Variants in PIGN observed in about 807,000 individuals in gnomAD.
The protein encoded by PIGN is phosphatidylinositol glycan anchor biosynthesis class N, also known as GPI ethanolamine phosphate transferase 1.
In PIGN, 117 loss-of-function variants were observed where a neutral mutation model predicts 125.4. That is an observed-to-expected ratio of 0.93 (90% CI 0.80 to 1.09). PIGN has a LOEUF of 1.09. PIGN is among the 50% of genes least tolerant of loss of function. The probability of loss-of-function intolerance (pLI) is 0.00; values close to 1 mark genes in which losing one functional copy is unlikely to be tolerated. For synonymous variants in PIGN, 392 were observed against 377.8 expected, an observed-to-expected ratio of 1.04 and a Z score of -0.44; for missense variants, 1,075 against 1,094.9, an observed-to-expected ratio of 0.98 and a Z score of 0.26.
At chr18:62,144,159 G>A (rs902411216) in intron 10 of PIGN, among the ~76,000 whole-genome samples, 2 of 152,094 alleles carry the variant, frequency 1.3e-5, no homozygotes, top group South Asian at 4.1e-4. Flanking sequence ...CATTTCTGAT[G>A]ATTCTTGAAA....
At chr18:62,147,542 A>G (rs149762099) in intron 8 of PIGN, among the ~76,000 whole-genome samples, 101 of 152,346 alleles carry the variant, frequency 6.6e-4, no homozygotes, top group African/African-American at 2.3e-3. Flanking sequence ...ACAACTGAAC[A>G]AGGTTCATTC....
intron 9 of PIGN, 82 bp downstream of exon 9, chr18:62,146,889 C>T: frequency 7.1e-7 from 1 of 1,410,624 alleles, no homozygotes; most frequent in South Asian, 1.3e-5. Flanking sequence ...ACATCTAATC[C>T]TCTCAACATC....
chr18:62,171,548 T>C (rs551654479), intron 1 of PIGN, among the ~76,000 whole-genome samples: 4 of 152,200 alleles, frequency 2.6e-5, no homozygotes, highest in Non-Finnish European at 4.4e-5. Flanking sequence ...GTTTCCAATA[T>C]TAGGATGAAT....
At chr18:62,154,421 C>A in intron 7 of PIGN, 124 bp downstream of exon 7, 1 of 595,298 alleles carries the variant, frequency 1.7e-6, no homozygotes, top group South Asian at 2.2e-5. Flanking sequence ...TCTTAGAATT[C>A]AGAACAGTGT....
chr18:62,128,838 A>G (rs947597482), intron 14 of PIGN, among the ~76,000 whole-genome samples: 1 of 152,176 alleles, frequency 6.6e-6, no homozygotes, highest in African/African-American at 2.4e-5. Flanking sequence ...TATATTTAAC[A>G]TGAAAAATGT....
At chr18:62,051,957 G>T (rs1403677850) in intron 30 of PIGN, 2 of 152,120 alleles carry the variant, frequency 1.3e-5, no homozygotes, top group African/African-American at 4.8e-5. Flanking sequence ...CTTTCATTAT[G>T]TACCCAGTAG....
intron 17 of PIGN, 69 bp downstream of exon 17, chr18:62,109,765 A>T: frequency 1.5e-6 from 2 of 1,338,178 alleles, no homozygotes; most frequent in Non-Finnish European, 2.1e-6. Context: ...ACAGAAATCT[A>T]CTGCATTTTA....
intron 15 of PIGN, among the ~76,000 whole-genome samples, chr18:62,114,104 G>A (rs1399489686): frequency 6.6e-6 from 1 of 152,202 alleles, no homozygotes; most frequent in Non-Finnish European, 1.5e-5. Context: ...GCTCATGCCT[G>A]TAATCCCAGC....
chr18:62,038,168 A>T (rs1210650498), downstream of PIGN, among the ~76,000 whole-genome samples: 1 of 152,224 alleles, frequency 6.6e-6, no homozygotes, highest in Admixed American at 6.5e-5. Context: ...ATCAGTTTTC[A>T]TGGAACCATT....
chr18:62,113,607 A>C (rs1369718762), intron 15 of PIGN, among the ~76,000 whole-genome samples: 1 of 152,188 alleles, frequency 6.6e-6, no homozygotes, highest in East Asian at 1.9e-4. Flanking sequence ...GACAACTCAT[A>C]AAAGAAATGA....
At chr18:62,118,542 T>C (rs1167365142) in intron 14 of PIGN, 1 of 152,124 alleles carries the variant, frequency 6.6e-6, no homozygotes, top group Non-Finnish European at 1.5e-5. Context: ...GGCTGAGAAT[T>C]TGGGGATATA....
intron 10 of PIGN, among the ~76,000 whole-genome samples, chr18:62,145,020 G>C (rs969309188): frequency 4.0e-5 from 6 of 148,924 alleles, no homozygotes; most frequent in Admixed American, 3.3e-4. Flanking sequence ...GGGGGGGGGG[G>C]GCAGGGTGGA....
intron 23 of PIGN, among the ~76,000 whole-genome samples, chr18:62,035,811 C>G (rs17706324): frequency 0.17 from 26,487 of 151,842 alleles, 3,153 homozygotes; most frequent in Middle Eastern, 0.28. Flanking sequence ...ACTTATATTT[C>G]TAATTTCATC....
intron 22 of PIGN, among the ~76,000 whole-genome samples, chr18:62,098,192 T>C (rs529437151): frequency 2.6e-5 from 4 of 152,332 alleles, no homozygotes; most frequent in African/African-American, 9.6e-5. Context: ...TTAGTCAACA[T>C]CTTCTAAATT....
intron 27 of PIGN, among the ~76,000 whole-genome samples, chr18:62,083,013 A>C (rs547015423): frequency 2.6e-4 from 40 of 152,086 alleles, no homozygotes; most frequent in Non-Finnish European, 5.6e-4. Flanking sequence ...CCTATTACAA[A>C]TTTTGTTCCA....
chr18:62,100,455 A>T (rs1028686371), intron 22 of PIGN, among the ~76,000 whole-genome samples: 1 of 152,228 alleles, frequency 6.6e-6, no homozygotes, highest in East Asian at 1.9e-4. Context: ...AAGTTAAAGC[A>T]TATGTCAAAT....
intron 23 of PIGN, among the ~76,000 whole-genome samples, chr18:62,094,037 C>T (rs1383513110): frequency 1.3e-5 from 2 of 151,960 alleles, no homozygotes. Context: ...TAAATTTTCA[C>T]TTTTTAGATT....
At chr18:62,073,038 C>T (rs1044752366) in intron 29 of PIGN, among the ~76,000 whole-genome samples, 4 of 152,184 alleles carry the variant, frequency 2.6e-5, no homozygotes, top group African/African-American at 4.8e-5. Flanking sequence ...AAAGAAGCCA[C>T]GTCATCCATC....
At chr18:62,069,853 C>T (rs2032740561) in intron 30 of PIGN, 1 of 152,140 alleles carries the variant, frequency 6.6e-6, no homozygotes, top group African/African-American at 2.4e-5. Context: ...TGACAAATTT[C>T]ATTATGTGTA....
Sources: gnomAD v4.1 joint callset for allele counts (sites outside exome capture counted in the v4.1 genomes callset) on GRCh38, gnomAD v4.1.1 for gene constraint, MANE v1.5 for transcripts, NCBI Gene and HGNC (gene_info 2026-07-23, HGNC 2026-07-21) for gene names.